MYLK3: variants seen among roughly 807,000 people sequenced by gnomAD.
The protein encoded by MYLK3 is MLC kinase.
In MYLK3, 55 loss-of-function variants were observed where a neutral mutation model predicts 76.3. The observed-to-expected ratio is 0.72, with a 90% CI of 0.58 to 0.90. The LOEUF (loss-of-function observed/expected upper bound fraction) is 0.90. MYLK3 is among the 40% of genes least tolerant of loss of function. The pLI, the probability that MYLK3 is intolerant of heterozygous loss-of-function variation, is 0.00. For missense variants in MYLK3, 973 were observed against 1,053.6 expected (o/e 0.92, Z 1.06); for synonymous variants, 416 against 425.4 (o/e 0.98, Z 0.27).
chr16:46,710,512 A>G, intron 11 of MYLK3, 125 bp downstream of exon 11: 1 of 1,106,736 alleles, frequency 9.0e-7, no homozygotes, highest in South Asian at 1.5e-5. Context: ...GAAGTAGCAA[A>G]CTAAGAAATC....
chr16:46,721,146 G>C lies in MYLK3; in HGVS notation c.1962C>G (p.Ile654Met). Residue 654 changes from isoleucine (I) to methionine (M), a missense_variant, in exon 9 of 13, where the codon ATC becomes ATG. Ile to Met is a conservative substitution (Grantham distance 10, BLOSUM62 1). This residue lies in a region of MYLK3 where 332 missense variants were observed against 416.6 expected (regional missense o/e 0.80). Transcript: ENST00000394809. ...ACCTTCTGGCCAGCCCAAAGTCAAT[G>C]ATCTTAATTTGATGTCCTGTCTGAT... ...CVNQTGHQIK[I>M]IDFGLARRYK... 10 of 1,614,160 alleles carry C rather than the reference G, an allele frequency of 6.2e-6. No homozygotes were observed. Among genetic ancestry groups the C allele is most frequent in the Non-Finnish European group, 8.5e-6 (10 of 1,180,018 alleles).
In MYLK3 at chr16:46,738,046, T is replaced by C. The variant is rs781682946; in HGVS notation, c.666A>G (p.Ser222=). The C allele has an allele frequency of 3.1e-6, 5 of 1,610,366 alleles. No individual in the cohort carries two copies. Among genetic ancestry groups the C allele is most frequent in the Non-Finnish European group, 4.2e-6 (5 of 1,179,166 alleles). ...LGADPAQAVV[S]PGQGDGVPGP... is the part of the protein sequence containing the mutation. ...CAGGAACACCATCTCCCTGGCCCGG[T>C]GAGACCACTGCCTGGGCGGGGTCAG... is the stretch of plus-strand genomic sequence containing the variant. Residue 222 remains serine, a synonymous_variant, in exon 3 of 13, where the codon TCA becomes TCG. Coordinates refer to ENST00000394809, the MANE Select transcript of MYLK3 (RefSeq NM_182493.3).
At chr16:46,727,566 G>A (rs906665350) in intron 7 of MYLK3, among the ~76,000 whole-genome samples, 189 bp from the exon 8 acceptor site, 2 of 152,130 alleles carry the variant, frequency 1.3e-5, no homozygotes, top group Admixed American at 6.5e-5. Flanking sequence ...TCACCCTGTC[G>A]CCCAGGCTGG....
intron 9 of MYLK3, among the ~76,000 whole-genome samples, chr16:46,718,375 C>T (rs1171081328): frequency 6.6e-6 from 1 of 152,118 alleles, no homozygotes; most frequent in Non-Finnish European, 1.5e-5. Flanking sequence ...TGATAGAGAC[C>T]CTGTCTCGTG....
intron 8 of MYLK3, chr16:46,725,948 A>G (rs252722): frequency 0.79 from 119,793 of 152,016 alleles, 48,067 homozygotes; most frequent in East Asian, 1. Context: ...ATCTTCTACA[A>G]TTTTTAGTTT....
chr16:46,710,730 A>G lies in MYLK3; in HGVS notation c.2174T>C (p.Val725Ala). 6.2e-7 allele frequency: 1 copy of G among 1,614,228 alleles called. No homozygotes were observed. Among genetic ancestry groups the G allele is most frequent in the Non-Finnish European group, 8.5e-7 (1 of 1,180,040 alleles). Residue 725 changes from valine (V) to alanine (A), a missense_variant, in exon 11 of 13, where the codon GTA becomes GCA. Coordinates refer to ENST00000394809, the MANE Select transcript of MYLK3 (RefSeq NM_182493.3). ...AGCATCAAAATCCCAGCTACAGTTT[A>G]CAATGAAATTCATGGTCTCTGCATC... ...ETDAETMNFI[V>A]NCSWDFDADT...
chr16:46,746,474 G>T (rs1967024881), intron 1 of MYLK3, among the ~76,000 whole-genome samples: 1 of 152,090 alleles, frequency 6.6e-6, no homozygotes, highest in African/African-American at 2.4e-5. Context: ...AGGCTGGAGT[G>T]CACTGGCACA....
rs1238123900 is a variant in MYLK3, at chr16:46,706,058, GAA to G, written c.*1644_*1645del. 1 of 152,070 alleles carries G rather than the reference GAA, an allele frequency of 6.6e-6. No homozygotes were observed. The highest frequency in any genetic ancestry group is 1.5e-5 in the Non-Finnish European group (1 of 68,044). The allele number at this position is 152,070 out of a possible 1,614,324, so 9.4% of individuals were successfully genotyped here. ...TGACAGGGCTACTCTAATGCATATA[GAA>G]AAGTGTTTAAATGTACAGTGGACCC... On this transcript the variant is annotated 3_prime_UTR_variant, in exon 13 of 13. Coordinates refer to ENST00000394809, the MANE Select transcript of MYLK3 (RefSeq NM_182493.3).
chr16:46,721,752 C>G (rs889231376), intron 8 of MYLK3, among the ~76,000 whole-genome samples: 4 of 152,154 alleles, frequency 2.6e-5, no homozygotes, highest in African/African-American at 7.2e-5. Context: ...CAGAACCCAA[C>G]AGAATACCTC....
At chr16:46,749,062 G>A (rs2143017372), upstream of MYLK3, among the ~76,000 whole-genome samples, 1 of 152,352 alleles carries the variant, frequency 6.6e-6, no homozygotes, top group South Asian at 2.1e-4. Context: ...CAGACTAGCA[G>A]GGACCCAGAG....
At chr16:46,711,240 G>A (rs997744788) in intron 10 of MYLK3, among the ~76,000 whole-genome samples, 1 of 152,198 alleles carries the variant, frequency 6.6e-6, no homozygotes, top group Non-Finnish European at 1.5e-5. Flanking sequence ...TAGAGAATCA[G>A]GACACCCTGA....
intron 8 of MYLK3, among the ~76,000 whole-genome samples, chr16:46,724,536 C>A (rs1193766158): frequency 6.6e-6 from 1 of 152,186 alleles, no homozygotes; most frequent in Non-Finnish European, 1.5e-5. Flanking sequence ...GGGGTCCCAG[C>A]ACAATTGTTG....
intron 1 of MYLK3, among the ~76,000 whole-genome samples, chr16:46,755,252 G>A (rs1967182685): frequency 6.6e-6 from 1 of 151,794 alleles, no homozygotes; most frequent in African/African-American, 2.4e-5. Context: ...CAAAATGAGG[G>A]GGTAAACAGC....
Position 46,706,243 on chromosome 16 carries a change from G to A in MYLK3, c.*1461C>T, listed in dbSNP as rs1966623617. On this transcript the variant is annotated 3_prime_UTR_variant, in exon 13 of 13. Coordinates refer to ENST00000394809, the MANE Select transcript of MYLK3 (RefSeq NM_182493.3). ...AGTTAATACCCATACACACATATGT[G>A]TTCGTGTGTGTGTGTGTTTGTGTGT... is the stretch of plus-strand genomic sequence containing the variant. 6.6e-6 allele frequency: 1 copy of A among 150,610 alleles called. No individual in the cohort carries two copies. 9.3% of individuals were successfully genotyped at this position (150,610 alleles called of 1,614,324 possible).
chr16:46,756,722 C>T (rs1016778361), intron 1 of MYLK3, among the ~76,000 whole-genome samples: 2 of 152,220 alleles, frequency 1.3e-5, no homozygotes, highest in East Asian at 1.9e-4. Context: ...CACGGTGCAC[C>T]TGGCACTTAG....
intron 9 of MYLK3, among the ~76,000 whole-genome samples, chr16:46,720,620 T>A (rs1567283061): frequency 1.3e-5 from 2 of 152,156 alleles, no homozygotes; most frequent in Non-Finnish European, 2.9e-5. Context: ...GCAGGTAATG[T>A]ATTATATCAC....
chr16:46,760,324 C>A (rs1186560266), intron 1 of MYLK3, among the ~76,000 whole-genome samples: 1 of 152,236 alleles, frequency 6.6e-6, no homozygotes, highest in East Asian at 1.9e-4. Flanking sequence ...ACCTCCCCGG[C>A]TGACAAGAAT....
At position 46,732,621 on chromosome 16, in the gene MYLK3, A is replaced by G; in HGVS notation, c.1049T>C (p.Met350Thr). ...GGGTCCAAGGCTGCCCCTGCCTGTC[A>G]TCAGCATCTCCCCAGGAGTATCCAT... ...QEMDTPGEMLMTGRGSLGPTL... is the reference protein window; with the variant it reads ...QEMDTPGEMLTTGRGSLGPTL... The change falls in exon 4 of 13, where the codon ATG (methionine) becomes ACG (threonine). Residue 350 changes from methionine (M) to threonine (T), a missense_variant. Around this residue, in one of 2 missense-constraint regions of MYLK3, gnomAD observed 641 missense variants for 637.0 expected, o/e 1.01. Transcript: ENST00000394809. 1 of 1,569,696 alleles carries G rather than the reference A, an allele frequency of 6.4e-7. No individual in the cohort carries two copies. The highest frequency in any genetic ancestry group is 2.3e-5 in the East Asian group (1 of 44,434).
chr16:46,753,414 G>A (rs986004423), intron 1 of MYLK3, among the ~76,000 whole-genome samples: 1 of 152,128 alleles, frequency 6.6e-6, no homozygotes, highest in Admixed American at 6.5e-5. Context: ...CGTCCCACCT[G>A]ATCATCCTCA....
Sources: allele counts gnomAD v4.1 joint callset (sites outside exome capture counted in the v4.1 genomes callset), GRCh38; gene constraint gnomAD v4.1.1; regional missense constraint gnomAD v4.1.1; transcripts MANE v1.5; gene names NCBI Gene and HGNC (gene_info 2026-07-23, HGNC 2026-07-21).